Variants in CRYBG3 observed in about 807,000 individuals in gnomAD.
CRYBG3 encodes very large A-kinase anchor protein.
CRYBG3 carries 127 observed loss-of-function variants against 244.2 expected under a neutral mutation model. The ratio of observed to expected loss-of-function variants is 0.52; its 90% CI spans 0.45 to 0.60. The LOEUF (loss-of-function observed/expected upper bound fraction) is 0.60, where lower values mean the gene tolerates loss of function less well. Among genes scored for constraint, CRYBG3 ranks in the 20% least tolerant of loss-of-function variants. The pLI is 0.00. For synonymous variants in CRYBG3, 1,132 were observed against 1,195.8 expected (o/e 0.95, Z 1.10); for missense variants, 3,325 against 3,442.5 (o/e 0.97, Z 0.85).
At chr3:97,861,307 A>G (rs1188136170) in intron 2 of CRYBG3, among the ~76,000 whole-genome samples, 1 of 152,162 alleles carries the variant, frequency 6.6e-6, no homozygotes, top group Non-Finnish European at 1.5e-5. Flanking sequence ...AGGTTTCTCT[A>G]CATCCCCACT....
intron 8 of CRYBG3, among the ~76,000 whole-genome samples, chr3:97,888,013 T>C (rs1242741410): frequency 2.6e-5 from 4 of 152,310 alleles, no homozygotes; most frequent in Admixed American, 2.6e-4. Context: ...ATAGTGAAAT[T>C]GTTTTTGATT....
intron 7 of CRYBG3, among the ~76,000 whole-genome samples, chr3:97,884,043 G>T (rs1356903631): frequency 6.6e-6 from 1 of 152,178 alleles, no homozygotes; most frequent in Non-Finnish European, 1.5e-5. Flanking sequence ...ATTTGTTTGT[G>T]TGAGACAGTT....
chr3:97,848,431 A>G (rs186972115), intron 2 of CRYBG3, among the ~76,000 whole-genome samples: 49 of 152,192 alleles, frequency 3.2e-4, no homozygotes, highest in African/African-American at 1.1e-3. Flanking sequence ...CCTCCCGAGT[A>G]GCTGGGACTA....
intron 2 of CRYBG3, among the ~76,000 whole-genome samples, chr3:97,848,404 C>T (rs1303681196): frequency 6.6e-6 from 1 of 152,080 alleles, no homozygotes; most frequent in Non-Finnish European, 1.5e-5. Flanking sequence ...TGGGTTCAAG[C>T]GATTCTCCTG....
At chr3:97,938,338 T>C (rs761423454) in intron 19 of CRYBG3, among the ~76,000 whole-genome samples, 3 of 152,072 alleles carry the variant, frequency 2.0e-5, no homozygotes, top group Non-Finnish European at 4.4e-5. Flanking sequence ...AACCACACTC[T>C]ACTTTCCATC....
At chr3:97,943,050 A>C in intron 21 of CRYBG3, 176 bp from the exon 22 acceptor site, 1 of 574,088 alleles carries the variant, frequency 1.7e-6, no homozygotes, top group Non-Finnish European at 3.1e-6. Flanking sequence ...AATAAGGTCC[A>C]ATTTGAGGTG....
intron 8 of CRYBG3, 147 bp from the exon 9 acceptor site, chr3:97,888,194 A>G: frequency 1.7e-6 from 1 of 589,658 alleles, no homozygotes; most frequent in Non-Finnish European, 3.0e-6. Context: ...ATCGTTATAT[A>G]ATGTCTGGCT....
intron 8 of CRYBG3, among the ~76,000 whole-genome samples, chr3:97,887,569 T>C (rs1250778539): frequency 6.6e-6 from 1 of 152,080 alleles, no homozygotes; most frequent in Non-Finnish European, 1.5e-5. Context: ...CTGACCAACA[T>C]GGAGAAACCC....
chr3:97,834,563 T>C (rs2038704135), intron 1 of CRYBG3, among the ~76,000 whole-genome samples: 1 of 152,134 alleles, frequency 6.6e-6, no homozygotes, highest in African/African-American at 2.4e-5. Context: ...GGGGACAAAT[T>C]AGGTGAGATG....
chr3:97,850,375 C>G (rs890676858), intron 2 of CRYBG3, among the ~76,000 whole-genome samples: 1 of 152,174 alleles, frequency 6.6e-6, no homozygotes, highest in Non-Finnish European at 1.5e-5. Context: ...CATATAACTA[C>G]ATATCTTTAT....
intron 15 of CRYBG3, among the ~76,000 whole-genome samples, chr3:97,904,281 A>C (rs1015051174): frequency 6.6e-6 from 1 of 152,198 alleles, no homozygotes; most frequent in African/African-American, 2.4e-5. Flanking sequence ...AATTGGTCTA[A>C]TTCTGGGTGA....
At chr3:97,857,600 T>C (rs1322611783) in intron 2 of CRYBG3, among the ~76,000 whole-genome samples, 1 of 152,122 alleles carries the variant, frequency 6.6e-6, no homozygotes, top group Non-Finnish European at 1.5e-5. Flanking sequence ...TATCCTTATA[T>C]AATGGCCTTC....
intron 4 of CRYBG3, among the ~76,000 whole-genome samples, chr3:97,878,284 G>A (rs1007409492): frequency 2.0e-5 from 3 of 152,154 alleles, no homozygotes; most frequent in Admixed American, 6.5e-5. Context: ...GGTGGCGGGC[G>A]CCTGTAATCC....
intron 2 of CRYBG3, among the ~76,000 whole-genome samples, chr3:97,852,828 C>G (rs527905946): frequency 2.6e-5 from 4 of 152,122 alleles, no homozygotes; most frequent in Non-Finnish European, 5.9e-5. Context: ...TCTACATACT[C>G]ACCAGCATTT....
chr3:97,860,005 G>A (rs2108198127), intron 2 of CRYBG3, among the ~76,000 whole-genome samples: 1 of 152,150 alleles, frequency 6.6e-6, no homozygotes, highest in African/African-American at 2.4e-5. Flanking sequence ...AAAACAGTAA[G>A]TTCTGTCCTG....
chr3:97,888,542 A>C, intron 9 of CRYBG3, 87 bp downstream of exon 9: 19 of 842,688 alleles, frequency 2.3e-5, no homozygotes, highest in Non-Finnish European at 3.8e-5. Context: ...CATGCATCTC[A>C]ATCTCAAGTG....
chr3:97,855,697 C>A (rs374295882), intron 2 of CRYBG3, among the ~76,000 whole-genome samples: 2 of 152,164 alleles, frequency 1.3e-5, no homozygotes, highest in Middle Eastern at 3.4e-3. Flanking sequence ...TAAAGCTGGG[C>A]GTCCGGGGAA....
intron 15 of CRYBG3, among the ~76,000 whole-genome samples, chr3:97,910,020 G>T (rs2039845714): frequency 6.6e-6 from 1 of 151,750 alleles, no homozygotes; most frequent in Admixed American, 6.6e-5. Context: ...TGAGGTGTCA[G>T]TGTGCCCCTG....
intron 8 of CRYBG3, among the ~76,000 whole-genome samples, chr3:97,887,150 C>T (rs1452413902): frequency 6.6e-6 from 1 of 152,182 alleles, no homozygotes; most frequent in Non-Finnish European, 1.5e-5. Context: ...TATGACTCCT[C>T]TGTTCCTGAA....
Sources: allele counts gnomAD v4.1 joint callset (sites outside exome capture counted in the v4.1 genomes callset), GRCh38; gene constraint gnomAD v4.1.1; transcripts MANE v1.5; gene names NCBI Gene and HGNC (gene_info 2026-07-23, HGNC 2026-07-21).